The following LMNB2 variants were observed in gnomAD, a reference collection of about 807,000 sequenced individuals.
LMNB2 encodes lamin B2.
In LMNB2, 17 loss-of-function variants were observed where a neutral mutation model predicts 69.3. The ratio of observed to expected loss-of-function variants is 0.25; its 90% confidence interval spans 0.17 to 0.37. The LOEUF (loss-of-function observed/expected upper bound fraction) is 0.37. Ranked by LOEUF, LMNB2 falls within the 10% of genes least tolerant of loss-of-function variation. LMNB2 has a pLI of 1.00. For missense variants in LMNB2, 789 were observed against 883.6 expected (o/e 0.89, Z 1.36); for synonymous variants, 397 against 389.3 (o/e 1.02, Z -0.23).
At position 2,432,416 on chromosome 19, in the gene LMNB2, C is replaced by T. The variant is rs749216360; in HGVS notation, c.1590G>A (p.Thr530=). The change falls in exon 9 of 12, where the codon ACG becomes ACA. Residue 530 remains threonine (T), a splice_region_variant and synonymous_variant. Coordinates refer to ENST00000325327, the MANE Select transcript of LMNB2 (RefSeq NM_032737.4). ...KYILRAGQMV[T]VWAAGAGVAH... is the part of the protein sequence containing the mutation. The stretch of plus-strand genomic sequence containing the variant: ...CTCGCCCTCCTGCCCCACCACCTAC[C>T]GTGACCATCTGGCCGGCGCGCAGGA... The T allele has an allele frequency of 5.7e-5, 92 of 1,611,844 alleles. No homozygotes were observed. The highest frequency in any genetic ancestry group is 3.3e-4 in the Middle Eastern group (2 of 6,080).
intron 4 of LMNB2, among the ~76,000 whole-genome samples, chr19:2,436,060 G>A (rs1421589424): frequency 1.3e-5 from 2 of 152,144 alleles, no homozygotes; most frequent in Non-Finnish European, 2.9e-5. Flanking sequence ...TAAGACAGGT[G>A]GATCATGAGG....
At position 2,447,738 on chromosome 19, in the gene LMNB2, T is replaced by G. The variant is rs138072217; in HGVS notation, c.265-3198A>C. On this transcript the variant is annotated intron_variant, in intron 1 of 11. Coordinates refer to ENST00000325327, the MANE Select transcript of LMNB2 (RefSeq NM_032737.4). This position sits in a 1 kb window ranked among gnomAD's most constrained non-coding sequence, Gnocchi z 4.4. ...CTGCATCTGGAGGGCCACACCCCCA[T>G]GTTACAGGCGAGGCTCCTGTGCAGA... Among the ~76,000 whole-genome samples the G allele has an allele frequency of 4.6e-5, 7 of 152,162 alleles. No individual in the cohort carries two copies. Among genetic ancestry groups the G allele is most frequent in the Non-Finnish European group, 1.0e-4 (7 of 67,978 alleles).
chr19:2,453,162 G>A lies in LMNB2; in HGVS notation c.264+3508C>T, dbSNP rs1469006241. Among the ~76,000 whole-genome samples, 1 of 152,032 alleles carries A rather than the reference G, an allele frequency of 6.6e-6. No individual in the cohort carries two copies. Among genetic ancestry groups the A allele is most frequent in the East Asian group, 1.9e-4 (1 of 5,182 alleles). On this transcript the variant is annotated intron_variant, in intron 1 of 11. Transcript: ENST00000325327. This position sits in a 1 kb window ranked among gnomAD's most constrained non-coding sequence, Gnocchi z 4.4. ...TGAGCAGTACCCAGCCTCCACCCAC[G>A]CTGTGCCGATGCCGTCTCCCTCCCA...
Position 2,443,384 on chromosome 19 carries a change from C to T in LMNB2, c.401+1020G>A, listed in dbSNP as rs557973786. On this transcript the variant is annotated intron_variant, in intron 2 of 11. Transcript: ENST00000325327. The surrounding 1 kb of genome is among the most constrained non-coding windows in gnomAD (Gnocchi z 6.2). ...CACCTGCAACCACGCATGGGGGCCC[C>T]GGCACTGTTGGACACAGGGTCCCCG... 2.6e-5 allele frequency among the ~76,000 whole-genome samples: 4 copies of T among 152,230 alleles called. No homozygotes were observed. The highest frequency in any genetic ancestry group is 4.4e-5 in the Non-Finnish European group (3 of 67,982).
intron 1 of LMNB2, among the ~76,000 whole-genome samples, chr19:2,450,088 T>G (rs1026024851): frequency 5.2e-5 from 6 of 115,810 alleles, no homozygotes; most frequent in East Asian, 3.5e-4. Context: ...AAAAAGAAAA[T>G]AAAATACATA....
chr19:2,431,689 C>G (rs200972975), intron 10 of LMNB2, 31 bp from the exon 11 acceptor site: 3 of 1,613,964 alleles, frequency 1.9e-6, no homozygotes, highest in Non-Finnish European at 1.7e-6. Context: ...CGGCATGTCC[C>G]GGGATCGGGC....
intron 6 of LMNB2, 93 bp downstream of exon 6, chr19:2,434,695 G>A: frequency 6.6e-7 from 1 of 1,523,592 alleles, no homozygotes; most frequent in East Asian, 2.4e-5. Flanking sequence ...TGCATCCGAT[G>A]CCAAGAGGCC....
At chr19:2,450,240 C>T (rs78878698) in intron 1 of LMNB2, among the ~76,000 whole-genome samples, 6,493 of 152,104 alleles carry the variant, frequency 0.043, 164 homozygotes, top group Non-Finnish European at 0.051. Flanking sequence ...CCAGCCCGCT[C>T]AGGACCAACC....
intron 2 of LMNB2, among the ~76,000 whole-genome samples, chr19:2,441,086 G>A (rs114888486): frequency 5.1e-4 from 77 of 152,372 alleles, no homozygotes; most frequent in African/African-American, 1.8e-3. Flanking sequence ...AGCGATGGTC[G>A]GACAGGCATA....
chr19:2,432,656 C>G, intron 8 of LMNB2, 133 bp from the exon 9 acceptor site: 1 of 770,284 alleles, frequency 1.3e-6, no homozygotes, highest in Non-Finnish European at 2.3e-6. Context: ...CCCCCATGCC[C>G]TGGTCATTCC....
chr19:2,444,610 G>C lies in LMNB2; in HGVS notation c.265-70C>G, dbSNP rs2288942. On this transcript the variant is annotated intron_variant, in intron 1 of 11. Coordinates refer to ENST00000325327, the MANE Select transcript of LMNB2 (RefSeq NM_032737.4). ...TTGGACTACAGCAGTCAGGGGGCCCGGCCACTGGCCCTGCTCAGATTCCCA... is the reference window on the plus strand; with the variant it reads ...TTGGACTACAGCAGTCAGGGGGCCCCGCCACTGGCCCTGCTCAGATTCCCA... The C allele has an allele frequency of 1.6e-5, 25 of 1,582,774 alleles. No homozygotes were observed. The South Asian group carries it at 2.6e-4, about 17-fold the overall frequency.
rs1318220006 is a variant in LMNB2 at position 2,429,799 on chromosome 19, A to G, written c.*1112T>C. On this transcript the variant is annotated 3_prime_UTR_variant, in exon 12 of 12. Coordinates refer to ENST00000325327, the MANE Select transcript of LMNB2 (RefSeq NM_032737.4). ...AAAATAAATATCCATTAAAAAAATA[A>G]CTTCTGTGTATCTATGAGGGAGGGT... The G allele has an allele frequency of 6.6e-6, 1 of 152,168 alleles. No homozygotes were observed. The highest frequency in any genetic ancestry group is 1.5e-5 in the Non-Finnish European group (1 of 68,050). 9.4% of individuals were successfully genotyped at this position (152,168 alleles called of 1,614,324 possible).
chr19:2,449,298 C>T (rs936823458), intron 1 of LMNB2, among the ~76,000 whole-genome samples: 2 of 152,210 alleles, frequency 1.3e-5, no homozygotes, highest in Non-Finnish European at 2.9e-5. Context: ...TAGGAGGCCA[C>T]GCCCAAGCCT....
intron 2 of LMNB2, among the ~76,000 whole-genome samples, chr19:2,440,183 T>C (rs1042833935): frequency 3.3e-5 from 5 of 151,590 alleles, no homozygotes; most frequent in African/African-American, 1.2e-4. Context: ...ATTCTACAGA[T>C]GGCTGTATCT....
Position 2,430,903 on chromosome 19 carries a change from G to A in LMNB2, c.*8C>T, listed in dbSNP as rs1971731033. ...GTAAAGAAAGGTGTGTGGATGAGGA[G>A]TGTGGGTTCACATCACGTAGCAGCC... On this transcript the variant is annotated 3_prime_UTR_variant, in exon 12 of 12. Coordinates refer to ENST00000325327, the MANE Select transcript of LMNB2 (RefSeq NM_032737.4). 6.4e-7 allele frequency: 1 copy of A among 1,562,830 alleles called. No individual in the cohort carries two copies.
In LMNB2 at chr19:2,434,082, G is replaced by T. The variant is rs750640653; in HGVS notation, c.1226C>A (p.Ser409Tyr). 6.3e-7 allele frequency: 1 copy of T among 1,592,644 alleles called. No homozygotes were observed. The highest frequency in any genetic ancestry group is 1.1e-5 in the South Asian group (1 of 89,100). The part of the protein sequence containing the change: ...EERLKLSPSP[S>Y]SRVTVSRATS... ...GGCTCGTGAGACGGTGACGCGCGAG[G>T]ATGGGCTGGGGGACAGCTTCAGCCT... Residue 409 changes from serine (S) to tyrosine (Y), a missense_variant, in exon 8 of 12, where the codon TCC becomes TAC. Physicochemically the swap from Ser to Tyr is moderately radical, Grantham distance 144. This residue lies in a region of LMNB2 where 609 missense variants were observed against 630.9 expected (regional missense o/e 0.97). Coordinates refer to ENST00000325327, the MANE Select transcript of LMNB2 (RefSeq NM_032737.4).
intron 1 of LMNB2, among the ~76,000 whole-genome samples, chr19:2,451,771 C>T (rs1398043768): frequency 6.6e-6 from 1 of 152,112 alleles, no homozygotes; most frequent in Non-Finnish European, 1.5e-5. Flanking sequence ...CTGGAGGAGG[C>T]CACGGTGGGA....
intron 2 of LMNB2, among the ~76,000 whole-genome samples, chr19:2,440,767 CTAT>C (rs1971891192): frequency 2.6e-5 from 4 of 151,752 alleles, no homozygotes; most frequent in African/African-American, 9.7e-5. Context: ...CATCATCTAT[CTAT>C]CCATTATCTA....
intron 2 of LMNB2, among the ~76,000 whole-genome samples, chr19:2,440,192 CTT>C (rs796887570): frequency 1.0e-4 from 14 of 139,984 alleles, no homozygotes; most frequent in South Asian, 2.3e-4. Flanking sequence ...ATGGCTGTAT[CTT>C]TTTTTTTTTT....
Sources: allele counts gnomAD v4.1 joint callset (sites outside exome capture counted in the v4.1 genomes callset), GRCh38; gene constraint gnomAD v4.1.1; regional missense constraint gnomAD v4.1.1; non-coding constraint Gnocchi (gnomAD v3.1); transcripts MANE v1.5; gene names NCBI Gene and HGNC (gene_info 2026-07-23, HGNC 2026-07-21).